AFAP1: variants seen among roughly 807,000 people sequenced by gnomAD.
The protein encoded by AFAP1 is actin filament-associated protein 1.
A neutral mutation model predicts 93.9 loss-of-function variants in AFAP1; 75 were observed. The ratio of observed to expected loss-of-function variants is 0.80; its 90% CI spans 0.66 to 0.97. The LOEUF is 0.97. AFAP1 is among the 50% of genes least tolerant of loss of function. The pLI is 0.00. For missense variants in AFAP1, 1,201 were observed against 1,050.8 expected (o/e 1.14, Z -1.98); for synonymous variants, 517 against 430.7 (o/e 1.20, Z -2.48).
intron 12 of AFAP1, among the ~76,000 whole-genome samples, chr4:7,785,871 G>A (rs994189592): frequency 6.6e-6 from 1 of 152,142 alleles, no homozygotes; most frequent in African/African-American, 2.4e-5. Context: ...TGGGGAGGTT[G>A]AGCTATAGTG....
At chr4:7,845,486 C>T (rs1317763005) in intron 4 of AFAP1, among the ~76,000 whole-genome samples, 1 of 152,032 alleles carries the variant, frequency 6.6e-6, no homozygotes, top group African/African-American at 2.4e-5. Context: ...GAAGAGGTAA[C>T]TTTGGCAATG....
At chr4:7,815,759 T>C (rs945248327) in intron 8 of AFAP1, among the ~76,000 whole-genome samples, 3 of 152,094 alleles carry the variant, frequency 2.0e-5, no homozygotes, top group Non-Finnish European at 4.4e-5. Context: ...GTTCAAAACA[T>C]ATGCAGGGCA....
intron 12 of AFAP1, among the ~76,000 whole-genome samples, chr4:7,783,676 C>G (rs1716993456): frequency 6.6e-6 from 1 of 152,196 alleles, no homozygotes; most frequent in African/African-American, 2.4e-5. Context: ...TGTGAATAGC[C>G]TAAAGAACAC....
Position 7,939,434 on chromosome 4 carries a change from G to A in AFAP1, c.-3+222C>T, listed in dbSNP as rs1164081494. Reference sequence around the variant, plus strand: ...CCCCTCCGGGCAGACGCGGGGAGCTGGGGAGCAGTGGGGACCGGCCCCCAC... The same window carrying A: ...CCCCTCCGGGCAGACGCGGGGAGCTAGGGAGCAGTGGGGACCGGCCCCCAC... On this transcript the variant is annotated intron_variant, in intron 1 of 17. Coordinates refer to ENST00000420658, the MANE Select transcript of AFAP1 (RefSeq NM_001134647.2). This position sits in a 1 kb window ranked among gnomAD's most constrained non-coding sequence, Gnocchi z 5.6. 3.4e-6 allele frequency: 1 copy of A among 297,358 alleles called. No individual in the cohort carries two copies. Among genetic ancestry groups the A allele is most frequent in the African/African-American group, 2.4e-5 (1 of 42,488 alleles). The allele number at this position is 297,358 out of a possible 1,614,324, so 18.4% of individuals were successfully genotyped here.
At chr4:7,911,155 G>A (rs754363559) in intron 1 of AFAP1, among the ~76,000 whole-genome samples, 9 of 152,264 alleles carry the variant, frequency 5.9e-5, no homozygotes, top group Non-Finnish European at 1.0e-4. Flanking sequence ...AAGTTACCAC[G>A]AAATGACCCC....
At chr4:7,763,894 T>C (rs1714163246) in intron 17 of AFAP1, 103 bp from the exon 18 acceptor site, 3 of 1,159,160 alleles carry the variant, frequency 2.6e-6, no homozygotes, top group Admixed American at 4.0e-5. Context: ...GGTGCTCGGC[T>C]ACTGCAGAAA....
intron 1 of AFAP1, among the ~76,000 whole-genome samples, chr4:7,893,580 C>CA (rs11331784): frequency 0.54 from 56,977 of 105,570 alleles, 16,889 homozygotes; most frequent in Middle Eastern, 0.67. Flanking sequence ...GACTCTGTCT[C>CA]AAAAAAAAAA....
intron 1 of AFAP1, among the ~76,000 whole-genome samples, chr4:7,875,470 T>C (rs1408841410): frequency 3.3e-5 from 5 of 152,108 alleles, no homozygotes; most frequent in Non-Finnish European, 7.4e-5. Context: ...ACTTTAAAAA[T>C]GGACGAGGCA....
intron 4 of AFAP1, among the ~76,000 whole-genome samples, chr4:7,850,427 G>A (rs1714302585): frequency 6.6e-6 from 1 of 152,208 alleles, no homozygotes; most frequent in Non-Finnish European, 1.5e-5. Context: ...TCCCCCTGGA[G>A]GAGGGAGAGG....
intron 16 of AFAP1, 24 bp downstream of exon 16, chr4:7,772,796 G>A (rs1249536880): frequency 6.8e-6 from 11 of 1,607,218 alleles, no homozygotes; most frequent in African/African-American, 1.3e-5. Context: ...GCCAGCCTCC[G>A]AGGTGAGCCA....
intron 3 of AFAP1, 49 bp from the exon 4 acceptor site, chr4:7,855,623 G>C: frequency 2.1e-6 from 3 of 1,425,860 alleles, no homozygotes; most frequent in Non-Finnish European, 3.0e-6. Context: ...ACCATTAGAA[G>C]GAAATTCTGG....
chr4:7,786,071 T>C (rs1283185471), intron 12 of AFAP1, 123 bp downstream of exon 12: 6 of 806,090 alleles, frequency 7.4e-6, no homozygotes, highest in Non-Finnish European at 1.2e-5. Context: ...TGGAGTCTCC[T>C]TGCCTCAGAG....
chr4:7,799,200 A>G (rs1359515355), intron 10 of AFAP1: 5 of 525,286 alleles, frequency 9.5e-6, no homozygotes, highest in Non-Finnish European at 1.2e-5. Flanking sequence ...AGCCCATCTG[A>G]GCCCAGCCCT....
chr4:7,772,694 G>T, intron 16 of AFAP1, 126 bp downstream of exon 16: 1 of 833,236 alleles, frequency 1.2e-6, no homozygotes. Context: ...ACTGTCTTCT[G>T]CTGGGCACAC....
At chr4:7,836,125 C>T (rs550060034) in intron 6 of AFAP1, among the ~76,000 whole-genome samples, 1 of 152,216 alleles carries the variant, frequency 6.6e-6, no homozygotes, top group Admixed American at 6.5e-5. Flanking sequence ...GATCAAAAAT[C>T]TAAATGTAAG....
At chr4:7,806,303 C>T (rs1303456549) in intron 9 of AFAP1, among the ~76,000 whole-genome samples, 1 of 152,222 alleles carries the variant, frequency 6.6e-6, no homozygotes, top group Non-Finnish European at 1.5e-5. Flanking sequence ...AGACTTTGGC[C>T]CAAACCCCCC....
At chr4:7,907,688 T>C (rs1296160496) in intron 1 of AFAP1, among the ~76,000 whole-genome samples, 5 of 152,102 alleles carry the variant, frequency 3.3e-5, no homozygotes, top group African/African-American at 7.2e-5. Context: ...TTTTGGATTT[T>C]TGAATTCAGG....
At chr4:7,847,878 G>A (rs1461432629) in intron 4 of AFAP1, among the ~76,000 whole-genome samples, 2 of 151,466 alleles carry the variant, frequency 1.3e-5, no homozygotes, top group African/African-American at 4.9e-5. Context: ...AGACCAAAGG[G>A]CCAACAACAG....
intron 1 of AFAP1, among the ~76,000 whole-genome samples, chr4:7,925,757 A>G (rs1411476276): frequency 6.6e-6 from 1 of 152,114 alleles, no homozygotes; most frequent in East Asian, 1.9e-4. Flanking sequence ...AGGCAGGAGA[A>G]TCGCTTGAAC....
Sources: allele counts gnomAD v4.1 joint callset (sites outside exome capture counted in the v4.1 genomes callset), GRCh38; gene constraint gnomAD v4.1.1; non-coding constraint Gnocchi (gnomAD v3.1); transcripts MANE v1.5; gene names NCBI Gene and HGNC (gene_info 2026-07-23, HGNC 2026-07-21).